The following LRRK1 variants were observed in gnomAD, a reference collection of about 807,000 sequenced individuals.
LRRK1 encodes leucine-rich repeat serine/threonine-protein kinase 1.
A neutral mutation model predicts 209.1 loss-of-function variants in LRRK1; 113 were observed. That is an observed-to-expected ratio of 0.54 (90% confidence interval 0.46 to 0.63). The LOEUF is 0.63. Among genes scored for constraint, LRRK1 ranks in the 30% least tolerant of loss-of-function variants. The pLI is 0.00. For missense variants in LRRK1, 2,284 were observed against 2,632.2 expected, an observed-to-expected ratio of 0.87 and a Z score of 2.89; for synonymous variants, 1,144 against 1,099.7, an observed-to-expected ratio of 1.04 and a Z score of -0.80.
intron 2 of LRRK1, among the ~76,000 whole-genome samples, chr15:100,966,672 G>A (rs545708558): frequency 6.3e-4 from 96 of 152,306 alleles, no homozygotes; most frequent in African/African-American, 3.1e-4. Flanking sequence ...CAACTTGATT[G>A]GACCAGACCC....
intron 2 of LRRK1, among the ~76,000 whole-genome samples, chr15:100,940,269 C>G (rs1391283875): frequency 1.3e-5 from 2 of 151,932 alleles, no homozygotes; most frequent in South Asian, 2.1e-4. Flanking sequence ...TTTCACTAGT[C>G]CTTCATTCTT....
chr15:100,941,318 G>GTCTCTGTGTGTGTGTGTC (rs1320494641), intron 2 of LRRK1, among the ~76,000 whole-genome samples: 2 of 86,336 alleles, frequency 2.3e-5, no homozygotes, highest in African/African-American at 1.4e-4. Flanking sequence ...GTGTGTCTGT[G>GTCTCTGTGTGTGTGTGTC]TGTGTGTGTC....
In LRRK1 at chr15:101,077,057, CTAA is replaced by C. The variant is rs1467896643; in HGVS notation, c.*8211_*8213del. The C allele has an allele frequency of 1.3e-5, 2 of 152,170 alleles. No individual in the cohort carries two copies. The highest frequency in any genetic ancestry group is 6.5e-5 in the Admixed American group (1 of 15,282). 9.4% of individuals were successfully genotyped at this position (152,170 alleles called of 1,614,324 possible). On this transcript the variant is annotated 3_prime_UTR_variant, in exon 34 of 34. Coordinates refer to ENST00000388948, the MANE Select transcript of LRRK1 (RefSeq NM_024652.6). ...CAGCCTTCAGGAAAGGTAGAACGGACTAATGATCTTTTAAAAACACACCTCACC... is the reference window on the plus strand; with the variant it reads ...CAGCCTTCAGGAAAGGTAGAACGGACTGATCTTTTAAAAACACACCTCACC...
Position 101,023,015 on chromosome 15 carries a change from C to T in LRRK1, c.2067+418C>T, listed in dbSNP as rs1327290582. ...AAAGATAGCAATTCCCAGGCCTCAC[C>T]TCACTGCTCTCTGACCCCAAGGATT... On this transcript the variant is annotated intron_variant, in intron 15 of 33. Coordinates refer to ENST00000388948, the MANE Select transcript of LRRK1 (RefSeq NM_024652.6). Among the ~76,000 whole-genome samples the T allele has an allele frequency of 4.6e-5, 7 of 152,094 alleles. No homozygotes were observed. The East Asian group carries it at 1.4e-3, about 29-fold the overall frequency.
At chr15:100,946,777 A>G (rs926315458) in intron 2 of LRRK1, among the ~76,000 whole-genome samples, 1 of 152,242 alleles carries the variant, frequency 6.6e-6, no homozygotes, top group Non-Finnish European at 1.5e-5. Context: ...AAACCTAGAC[A>G]TCATAAATTT....
At chr15:101,052,021 G>A in intron 24 of LRRK1, 61 bp downstream of exon 24, 2 of 1,566,024 alleles carry the variant, frequency 1.3e-6, no homozygotes, top group Middle Eastern at 1.9e-4. Context: ...TCCTCGCTGT[G>A]CAGTTGCCGA....
rs772698984 is a variant in LRRK1, at chr15:100,924,648, C to T, written c.16C>T (p.Gln6Ter). The T allele has an allele frequency of 1.2e-6, 2 of 1,614,108 alleles. No homozygotes were observed. Among genetic ancestry groups the T allele is most frequent in the South Asian group, 2.2e-5 (2 of 91,070 alleles). The change falls in exon 2 of 34, where the codon CAA becomes TAA. Residue 6 changes from glutamine to a stop codon, truncating the protein, a stop_gained. Coordinates refer to ENST00000388948, the MANE Select transcript of LRRK1 (RefSeq NM_024652.6). LOFTEE classifies it high-confidence loss of function. ...GCAAGGGTTGATGGCTGGCATGTCG[C>T]AAAGACCCCCCAGCATGTACTGGTG... MAGMS[Q>*]RPPSMYWCVG...
chr15:101,065,889 A>C lies in LRRK1; in HGVS notation c.5452A>C (p.Ile1818Leu). The change falls in exon 32 of 34, where the codon ATC becomes CTC. Residue 1818 changes from isoleucine to leucine, a missense_variant. Ile to Leu is a conservative substitution (Grantham distance 5). This residue lies in a region of LRRK1 where 643 missense variants were observed against 695.9 expected (regional missense o/e 0.92). Coordinates refer to ENST00000388948, the MANE Select transcript of LRRK1 (RefSeq NM_024652.6). The part of the protein sequence containing the change: ...PEGDSIADVS[I>L]MYSEELGTQI... The stretch of plus-strand genomic sequence containing the variant: ...GGGGGACTCCATCGCGGACGTGAGC[A>C]TCATGTACAGTGAGGAGCTGGGCAC... 6.2e-7 allele frequency: 1 copy of C among 1,614,172 alleles called. No individual in the cohort carries two copies. Among genetic ancestry groups the C allele is most frequent in the South Asian group, 1.1e-5 (1 of 91,082 alleles).
intron 6 of LRRK1, among the ~76,000 whole-genome samples, chr15:101,002,672 A>C (rs6598411): frequency 0.4 from 61,197 of 152,110 alleles, 13,246 homozygotes; most frequent in African/African-American, 0.56. Flanking sequence ...AATGAGGGCT[A>C]ATGAGGGCTT....
chr15:100,992,656 T>G (rs1596246474), intron 6 of LRRK1, among the ~76,000 whole-genome samples: 2 of 136,970 alleles, frequency 1.5e-5, no homozygotes, highest in South Asian at 2.2e-4. Flanking sequence ...TTTGGGGTTT[T>G]GTTTTGTTTT....
chr15:100,956,559 G>A (rs557818045), intron 2 of LRRK1, among the ~76,000 whole-genome samples: 19 of 147,268 alleles, frequency 1.3e-4, no homozygotes, highest in Admixed American at 5.5e-4. Context: ...TCCACCTCCC[G>A]GGTTCAAGCA....
rs78079181 is a variant in LRRK1 at position 100,973,814 on chromosome 15, C to T, written c.108C>T (p.Asp36=). 1 of 1,291,962 alleles carries T rather than the reference C, an allele frequency of 7.7e-7. No homozygotes were observed. The highest frequency in any genetic ancestry group is 2.3e-5 in the South Asian group (1 of 42,736). The allele number at this position is 1,291,962 out of a possible 1,614,324, so 80.0% of individuals were successfully genotyped here. ...RAMETLNGAG[D]TGGKPSTRGG... ...CTTCCTCCCGCGCAGGTGCCGGGGA[C>T]ACGGGCGGCAAGCCGTCCACGCGGG... The change falls in exon 3 of 34, where the codon GAC becomes GAT. Residue 36 remains aspartate (D), a synonymous_variant. Coordinates refer to ENST00000388948, the MANE Select transcript of LRRK1 (RefSeq NM_024652.6).
intron 12 of LRRK1, among the ~76,000 whole-genome samples, chr15:101,016,060 GCTCCCTGCAACCTCCGC>G (rs1218640044): frequency 1.3e-5 from 2 of 151,418 alleles, no homozygotes; most frequent in Non-Finnish European, 2.9e-5. Context: ...CGCGATCTTG[GCTCCCTGCAACCTCCGC>G]CTCCCAGGTT....
At chr15:101,045,884 G>C (rs2035046151) in intron 20 of LRRK1, 97 bp from the exon 21 acceptor site, 1 of 1,045,904 alleles carries the variant, frequency 9.6e-7, no homozygotes, top group Non-Finnish European at 1.5e-6. Flanking sequence ...AGGTGTTCCA[G>C]CACAGCCTGT....
chr15:100,943,956 G>T (rs1184387123), intron 2 of LRRK1, among the ~76,000 whole-genome samples: 1 of 152,092 alleles, frequency 6.6e-6, no homozygotes, highest in Non-Finnish European at 1.5e-5. Context: ...GGGATTACAG[G>T]TGTGAGCCAC....
At chr15:100,931,194 A>G (rs2042205600) in intron 2 of LRRK1, among the ~76,000 whole-genome samples, 1 of 152,258 alleles carries the variant, frequency 6.6e-6, no homozygotes, top group Non-Finnish European at 1.5e-5. Flanking sequence ...TTTCAACTGT[A>G]AAGAACTTTT....
chr15:101,027,486 C>T lies in LRRK1; in HGVS notation c.2526+105C>T, dbSNP rs547440784. 4 of 1,526,234 alleles carry T rather than the reference C, an allele frequency of 2.6e-6. No individual in the cohort carries two copies. The African/African-American group carries it at 4.1e-5, about 16-fold the overall frequency. The allele number at this position is 1,526,234 out of a possible 1,614,324, so 94.5% of individuals were successfully genotyped here. A position where few individuals can be genotyped will look rare whatever the true frequency, so the allele number is the denominator to read the frequency against. Reference sequence around the variant, plus strand: ...TGAAGCCCATGTCTGTGTGGCAAGGCTCGGTGGTTCCTGGTGAGGGAGGGT... The same window carrying T: ...TGAAGCCCATGTCTGTGTGGCAAGGTTCGGTGGTTCCTGGTGAGGGAGGGT... On this transcript the variant is annotated intron_variant, in intron 18 of 33. Coordinates refer to ENST00000388948, the MANE Select transcript of LRRK1 (RefSeq NM_024652.6). The surrounding 1 kb of genome is among the most constrained non-coding windows in gnomAD (Gnocchi z 5.1).
intron 29 of LRRK1, among the ~76,000 whole-genome samples, chr15:101,058,552 C>G (rs1460382515): frequency 7.0e-6 from 1 of 142,162 alleles, no homozygotes; most frequent in Non-Finnish European, 1.5e-5. Flanking sequence ...CGAAATGAGG[C>G]CTGTCGGCCT....
chr15:100,954,447 A>G (rs1452674074), intron 2 of LRRK1, among the ~76,000 whole-genome samples: 1 of 152,080 alleles, frequency 6.6e-6, no homozygotes, highest in Non-Finnish European at 1.5e-5. Context: ...CTCATTCCAT[A>G]GGTTGCCTTT....
Sources: allele counts gnomAD v4.1 joint callset (sites outside exome capture counted in the v4.1 genomes callset), GRCh38; gene constraint gnomAD v4.1.1; regional missense constraint gnomAD v4.1.1; non-coding constraint Gnocchi (gnomAD v3.1); transcripts MANE v1.5; gene names NCBI Gene and HGNC (gene_info 2026-07-23, HGNC 2026-07-21).